Variants in RUNX2 observed in about 807,000 individuals in gnomAD.
RUNX2 encodes runt-related transcription factor 2.
Under a neutral mutation model 51.7 loss-of-function variants are expected in RUNX2, and 10 were observed. The ratio of observed to expected loss-of-function variants is 0.19; its 90% CI spans 0.12 to 0.33. The LOEUF is 0.33. RUNX2 is among the 10% of genes least tolerant of loss of function. The pLI is 1.00. For missense variants in RUNX2, 562 were observed against 691.3 expected (o/e 0.81, Z 2.10); for synonymous variants, 276 against 273.6 (o/e 1.01, Z -0.09).
intron 2 of RUNX2, among the ~76,000 whole-genome samples, chr6:45,384,892 T>TG (rs1029441941): frequency 6.6e-6 from 1 of 151,740 alleles, no homozygotes; most frequent in Non-Finnish European, 1.5e-5. Context: ...TTTATGGAGA[T>TG]GGGGTCTCAC....
intron 2 of RUNX2, among the ~76,000 whole-genome samples, chr6:45,357,581 C>A (rs1793474622): frequency 6.6e-6 from 1 of 152,066 alleles, no homozygotes; most frequent in African/African-American, 2.4e-5. Context: ...CTGACGTCAG[C>A]CCCTCAAAAG....
intron 3 of RUNX2, among the ~76,000 whole-genome samples, chr6:45,426,826 A>G (rs1054867308): frequency 2.0e-5 from 3 of 152,200 alleles, no homozygotes; most frequent in African/African-American, 4.8e-5. Context: ...TTTTGGCATC[A>G]CTAGCCATTT....
chr6:45,364,712 G>C (rs1794838744), intron 2 of RUNX2, among the ~76,000 whole-genome samples: 1 of 152,082 alleles, frequency 6.6e-6, no homozygotes, highest in Admixed American at 6.6e-5. Context: ...AATGCTCTAA[G>C]TTTTTCCCCA....
chr6:45,353,581 A>G lies in RUNX2; in HGVS notation c.58+24797A>G, dbSNP rs1469898530. Reference sequence around the variant, plus strand: ...GTACACTGGCAAATCAATTTGAAGAAAAATTATTCTAACTTAGAACCCTCC... The same window carrying G: ...GTACACTGGCAAATCAATTTGAAGAGAAATTATTCTAACTTAGAACCCTCC... On this transcript the variant is annotated intron_variant, in intron 2 of 8. Transcript: ENST00000647337. 4.6e-5 allele frequency among the ~76,000 whole-genome samples: 7 copies of G among 152,230 alleles called. No homozygotes were observed. In the East Asian group the frequency reaches 1.3e-3, roughly 29 times the overall value.
At chr6:45,433,497 T>A (rs1400488966) in intron 4 of RUNX2, among the ~76,000 whole-genome samples, 2 of 152,188 alleles carry the variant, frequency 1.3e-5, no homozygotes, top group Non-Finnish European at 2.9e-5. Context: ...ATACTTTTTT[T>A]TTTTAACTAG....
intron 7 of RUNX2, among the ~76,000 whole-genome samples, chr6:45,531,571 G>A (rs1297483223): frequency 6.6e-6 from 1 of 152,118 alleles, no homozygotes; most frequent in Non-Finnish European, 1.5e-5. Flanking sequence ...TGGCCAACAT[G>A]GTGAAACCGC....
intron 5 of RUNX2, among the ~76,000 whole-genome samples, chr6:45,480,490 A>G (rs1307349321): frequency 6.6e-6 from 1 of 152,226 alleles, no homozygotes; most frequent in African/African-American, 2.4e-5. Flanking sequence ...TCTGACAGAC[A>G]TAGCACGTAA....
intron 7 of RUNX2, among the ~76,000 whole-genome samples, chr6:45,535,420 C>T (rs570899622): frequency 2.6e-5 from 4 of 151,936 alleles, no homozygotes; most frequent in South Asian, 2.1e-4. Context: ...CTGGCTAACA[C>T]GGTGAAACCC....
At chr6:45,336,232 G>C (rs1460276614) in intron 2 of RUNX2, among the ~76,000 whole-genome samples, 3 of 151,358 alleles carry the variant, frequency 2.0e-5, no homozygotes, top group African/African-American at 7.3e-5. Flanking sequence ...CATTTTAAAA[G>C]TGTTAGCTAG....
chr6:45,423,557 C>T (rs540264000), intron 3 of RUNX2, among the ~76,000 whole-genome samples: 8 of 152,306 alleles, frequency 5.3e-5, no homozygotes, highest in Admixed American at 4.6e-4. Context: ...CCCGGGCTCC[C>T]GTGCCGGGAT....
intron 2 of RUNX2, among the ~76,000 whole-genome samples, chr6:45,341,234 C>T (rs1789706949): frequency 6.6e-6 from 1 of 152,082 alleles, no homozygotes; most frequent in African/African-American, 2.4e-5. Context: ...AGGAATAAAG[C>T]TATGAGATTA....
intron 5 of RUNX2, among the ~76,000 whole-genome samples, chr6:45,485,697 GTATATATATA>G (rs10677574): frequency 9.6e-6 from 1 of 104,034 alleles, no homozygotes; most frequent in Non-Finnish European, 1.9e-5. Context: ...GTGTGTGTGT[GTATATATATA>G]TATATATATA....
intron 5 of RUNX2, among the ~76,000 whole-genome samples, chr6:45,476,662 A>G (rs568294251): frequency 6.6e-6 from 1 of 152,352 alleles, no homozygotes; most frequent in South Asian, 2.1e-4. Flanking sequence ...GACACTGTGC[A>G]TGCATTTCTT....
chr6:45,470,116 T>C (rs1042248317), intron 5 of RUNX2, among the ~76,000 whole-genome samples: 2 of 152,208 alleles, frequency 1.3e-5, no homozygotes, highest in Non-Finnish European at 2.9e-5. Context: ...TTTTCATTTA[T>C]TAAATAATTA....
At position 45,549,442 on chromosome 6, in the gene RUNX2, A is replaced by G; in HGVS notation, c.*2137A>G. The G allele has an allele frequency of 2.5e-6, 1 of 398,490 alleles. No individual in the cohort carries two copies. The allele number at this position is 398,490 out of a possible 1,614,324, so 24.7% of individuals were successfully genotyped here. On this transcript the variant is annotated 3_prime_UTR_variant, in exon 9 of 9. Transcript: ENST00000647337. ...TTCTAATAAAAATGGATGGGAAAGC[A>G]AAACACTTTGCCTTCTAAAGGCCGT... is the stretch of plus-strand genomic sequence containing the variant.
At chr6:45,351,488 T>G (rs1315837434) in intron 2 of RUNX2, among the ~76,000 whole-genome samples, 1 of 152,082 alleles carries the variant, frequency 6.6e-6, no homozygotes, top group African/African-American at 2.4e-5. Context: ...GTATTATAAG[T>G]TACCACAGCA....
At chr6:45,353,524 G>C (rs563218143) in intron 2 of RUNX2, among the ~76,000 whole-genome samples, 227 of 151,954 alleles carry the variant, frequency 1.5e-3, no homozygotes, top group African/African-American at 5.2e-3. Flanking sequence ...ATTCTGAGGA[G>C]AAATAAAGGC....
At position 45,548,302 on chromosome 6, in the gene RUNX2, A is replaced by G. The variant is rs1461594617; in HGVS notation, c.*997A>G. ...AAAAGTGCTCTTTATTAAATAACAA[A>G]TTTCTTCAGTGGTCTAGAGCCATAT... On this transcript the variant is annotated 3_prime_UTR_variant, in exon 9 of 9. Transcript: ENST00000647337. 2.6e-5 allele frequency: 4 copies of G among 152,600 alleles called. No individual in the cohort carries two copies. Among genetic ancestry groups the G allele is most frequent in the African/African-American group, 9.7e-5 (4 of 41,440 alleles). 9.5% of individuals were successfully genotyped at this position (152,600 alleles called of 1,614,324 possible).
intron 2 of RUNX2, among the ~76,000 whole-genome samples, chr6:45,371,718 A>G (rs1796095696): frequency 6.6e-6 from 1 of 152,206 alleles, no homozygotes; most frequent in Non-Finnish European, 1.5e-5. Context: ...ATGACTTTAA[A>G]CACTCAGTTA....
Sources: allele counts gnomAD v4.1 joint callset (sites outside exome capture counted in the v4.1 genomes callset), GRCh38; gene constraint gnomAD v4.1.1; transcripts MANE v1.5; gene names NCBI Gene and HGNC (gene_info 2026-07-23, HGNC 2026-07-21).